Variants in RGS6 observed in about 807,000 individuals in gnomAD.
RGS6 encodes regulator of G protein signaling 6.
In RGS6, 30 loss-of-function variants were observed where a neutral mutation model predicts 78.5. The observed-to-expected ratio is 0.38, with a 90% CI of 0.29 to 0.52. The LOEUF (loss-of-function observed/expected upper bound fraction) is 0.52, where lower values mean the gene tolerates loss of function less well. Ranked by LOEUF, RGS6 falls within the 20% of genes least tolerant of loss-of-function variation. The pLI is 0.85. For missense variants in RGS6, 495 were observed against 609.7 expected (o/e 0.81, Z 1.98); for synonymous variants, 206 against 206.0 (o/e 1.00, Z 0.00).
At chr14:72,388,207 T>C (rs1013583885) in intron 3 of RGS6, among the ~76,000 whole-genome samples, 4 of 152,308 alleles carry the variant, frequency 2.6e-5, no homozygotes, top group Non-Finnish European at 5.9e-5. Context: ...GCAGGTATTT[T>C]ATAATTTAAA....
In RGS6 at chr14:72,477,945, T is replaced by A. The variant is rs567400192; in HGVS notation, c.793-323T>A. ...CTGGGGATTGTTCAAAACAGGTATT[T>A]ATGGGGCACATTTCACCTGTCCATG... On this transcript the variant is annotated intron_variant, in intron 11 of 17. Transcript: ENST00000553525. 2.9e-4 allele frequency among the ~76,000 whole-genome samples: 44 copies of A among 152,246 alleles called. 1 individual carries two copies. Among genetic ancestry groups the A allele is most frequent in the South Asian group, 8.3e-4 (4 of 4,822 alleles).
chr14:72,252,171 T>G (rs2055968183), intron 2 of RGS6, among the ~76,000 whole-genome samples: 1 of 152,240 alleles, frequency 6.6e-6, no homozygotes, highest in African/African-American at 2.4e-5. Context: ...CTGCATTATC[T>G]GTAAGCCAAA....
intron 3 of RGS6, among the ~76,000 whole-genome samples, chr14:72,379,619 C>T (rs2085548210): frequency 6.6e-6 from 1 of 151,776 alleles, no homozygotes. Context: ...AACTTAACCA[C>T]AGAAATGAAA....
the RGS6 span, among the ~76,000 whole-genome samples, chr14:71,913,505 C>T: frequency 6.6e-6 from 1 of 152,238 alleles, no homozygotes; most frequent in Non-Finnish European, 1.5e-5. Context: ...GGAACTGGCT[C>T]TCATGTCCAG....
intron 3 of RGS6, 34 bp from the exon 4 acceptor site, chr14:72,454,494 G>A (rs747313505): frequency 1.0e-5 from 16 of 1,606,262 alleles, no homozygotes; most frequent in Admixed American, 1.7e-5. Context: ...AAACACCCAG[G>A]AGGTCTTCAG....
chr14:72,217,176 A>G (rs1369772388), intron 2 of RGS6, among the ~76,000 whole-genome samples: 3 of 152,190 alleles, frequency 2.0e-5, no homozygotes, highest in African/African-American at 7.2e-5. Context: ...TGCAGTGGAT[A>G]GCATTAGCCG....
At chr14:72,599,301 GCA>G in the RGS6 span, among the ~76,000 whole-genome samples, 3 of 151,612 alleles carry the variant, frequency 2.0e-5, no homozygotes, top group African/African-American at 7.3e-5. Context: ...GCTCATCACA[GCA>G]CATTGTGAAA....
At position 72,562,418 on chromosome 14, in the gene RGS6, G is replaced by T. The variant is rs563720953; in HGVS notation, c.1424G>T (p.Gly475Val). 4.2e-5 allele frequency: 67 copies of T among 1,612,744 alleles called. No homozygotes were observed. The East Asian group carries it at 1.3e-3, about 32-fold the overall frequency. The change falls in exon 18 of 18, where the codon GGA becomes GTA. Residue 475 changes from glycine to valine, a missense_variant and splice_region_variant. Physicochemically the swap from Gly to Val is moderately radical, Grantham distance 109. Transcript: ENST00000553525. The stretch of plus-strand genomic sequence containing the variant: ...CTCTCTGTCGCTGTCTCTCTGCAGG[G>T]AAAGTCGCTGGCGGGCAAGCGCCTC... Reference protein sequence around the residue: ...TSLEKFTRSVGKSLAGKRLTG... With the variant: ...TSLEKFTRSVVKSLAGKRLTG...
chr14:71,957,702 T>C (rs1051507892), intron 1 of RGS6, among the ~76,000 whole-genome samples: 2 of 152,158 alleles, frequency 1.3e-5, no homozygotes, highest in Non-Finnish European at 2.9e-5. Flanking sequence ...TACATGGCTA[T>C]CTTTCCACTT....
intron 1 of RGS6, among the ~76,000 whole-genome samples, chr14:71,947,805 G>T (rs1320450935): frequency 6.6e-6 from 1 of 152,228 alleles, no homozygotes; most frequent in African/African-American, 2.4e-5. Flanking sequence ...GGAATTCTTG[G>T]TTGGGGGAGT....
chr14:72,412,352 A>G (rs1164096462), intron 3 of RGS6, among the ~76,000 whole-genome samples: 1 of 152,114 alleles, frequency 6.6e-6, no homozygotes, highest in South Asian at 2.1e-4. Flanking sequence ...ATTTATTTGC[A>G]TAGAGGCGTT....
rs576036764 is a variant in RGS6 at position 72,476,651 on chromosome 14, C to T, written c.694-91C>T. ...TCTCTTATTGTCATGAGGGGATTCA[C>T]GAAATTGGATGAGTCATTGGACTAG... is the stretch of plus-strand genomic sequence containing the variant. On this transcript the variant is annotated intron_variant, in intron 10 of 17. Transcript: ENST00000553525. 1.0e-4 allele frequency: 94 copies of T among 915,702 alleles called. 1 individual carries two copies. Among genetic ancestry groups the T allele is most frequent in the African/African-American group, 2.2e-4 (13 of 60,432 alleles). The allele number at this position is 915,702 out of a possible 1,614,324, so 56.7% of individuals were successfully genotyped here.
intron 2 of RGS6, among the ~76,000 whole-genome samples, chr14:72,176,802 C>G (rs2097110337): frequency 1.3e-5 from 2 of 152,214 alleles, no homozygotes; most frequent in Admixed American, 1.3e-4. Flanking sequence ...AGCTTTTACA[C>G]ATACGCACAT....
chr14:72,453,422 C>T (rs910043236), intron 3 of RGS6, among the ~76,000 whole-genome samples: 84 of 150,612 alleles, frequency 5.6e-4, no homozygotes, highest in Middle Eastern at 3.4e-3. Context: ...GAGACCATCC[C>T]GGCTAAAACG....
chr14:72,458,461 G>T (rs1288290093), intron 5 of RGS6, 84 bp downstream of exon 5: 1 of 1,099,460 alleles, frequency 9.1e-7, no homozygotes, highest in South Asian at 1.4e-5. Flanking sequence ...AGAAAACCTA[G>T]GGATATCTGA....
rs530815076 is a variant in RGS6, at chr14:72,406,241, G to A, written c.185-48287G>A. Among the ~76,000 whole-genome samples the A allele has an allele frequency of 7.9e-5, 12 of 152,164 alleles. No homozygotes were observed. The East Asian group carries it at 9.7e-4, about 12-fold the overall frequency. Reference sequence around the variant, plus strand: ...TCTACTAAAAATACAAAAATCAGCCGGGCGCAGTGGCACACGCCTGTAGTC... The same window carrying A: ...TCTACTAAAAATACAAAAATCAGCCAGGCGCAGTGGCACACGCCTGTAGTC... On this transcript the variant is annotated intron_variant, in intron 3 of 17. Coordinates refer to ENST00000553525, the MANE Select transcript of RGS6 (RefSeq NM_001204424.2).
intron 2 of RGS6, among the ~76,000 whole-genome samples, chr14:72,212,080 A>T (rs973104419): frequency 3.9e-5 from 6 of 152,174 alleles, no homozygotes; most frequent in African/African-American, 1.2e-4. Context: ...GGGGGAGAGC[A>T]CCTAGAGCCA....
At chr14:72,486,756 C>G (rs1298504544) in intron 12 of RGS6, among the ~76,000 whole-genome samples, 3 of 152,140 alleles carry the variant, frequency 2.0e-5, no homozygotes, top group East Asian at 1.9e-4. Flanking sequence ...TTCCTGTGTC[C>G]CACCTTGGAA....
At chr14:72,224,866 T>A (rs948222192) in intron 2 of RGS6, among the ~76,000 whole-genome samples, 1 of 152,180 alleles carries the variant, frequency 6.6e-6, no homozygotes, top group Middle Eastern at 3.4e-3. Flanking sequence ...GACTCAGCCA[T>A]AGCAAGCAGG....
Sources: gnomAD v4.1 joint callset for allele counts (sites outside exome capture counted in the v4.1 genomes callset) on GRCh38, gnomAD v4.1.1 for gene constraint, MANE v1.5 for transcripts, NCBI Gene and HGNC (gene_info 2026-07-23, HGNC 2026-07-21) for gene names.